Variants in HHAT observed in about 807,000 individuals in gnomAD.
The protein encoded by HHAT is protein-cysteine N-palmitoyltransferase HHAT.
A neutral mutation model predicts 70.8 loss-of-function variants in HHAT; 47 were observed. The ratio of observed to expected loss-of-function variants is 0.66; its 90% confidence interval spans 0.53 to 0.85. The LOEUF is 0.85. Among genes scored for constraint, HHAT ranks in the 40% least tolerant of loss-of-function variants. The pLI is 0.00. For missense variants in HHAT, 609 were observed against 604.8 expected, an observed-to-expected ratio of 1.01 and a Z score of -0.07; for synonymous variants, 228 against 247.6, an observed-to-expected ratio of 0.92 and a Z score of 0.74.
intron 7 of HHAT, among the ~76,000 whole-genome samples, chr1:210,454,638 G>A (rs1192238850): frequency 6.6e-6 from 1 of 152,190 alleles, no homozygotes; most frequent in Non-Finnish European, 1.5e-5. Flanking sequence ...CTTCTGCTGT[G>A]TGGGATCTTC....
rs147546850 is a variant in HHAT, at chr1:210,435,342, A to C, written c.856+17017A>C. Among the ~76,000 whole-genome samples the C allele has an allele frequency of 2.6e-4, 39 of 149,274 alleles. No homozygotes were observed. In the East Asian group the frequency reaches 7.0e-3, roughly 27 times the overall value. Reference sequence around the variant, plus strand: ...ATGGCTGAATAATATTCCACTGTCTATATATTTCAATTTTTTAACTCCATT... The same window carrying C: ...ATGGCTGAATAATATTCCACTGTCTCTATATTTCAATTTTTTAACTCCATT... On this transcript the variant is annotated intron_variant, in intron 7 of 11. Transcript: ENST00000261458.
At chr1:210,399,165 G>A (rs965709453) in intron 4 of HHAT, among the ~76,000 whole-genome samples, 3 of 152,198 alleles carry the variant, frequency 2.0e-5, no homozygotes, top group South Asian at 4.1e-4. Context: ...ATGCATGCCC[G>A]TGAGACATCA....
chr1:210,628,339 A>T (rs78358008), intron 11 of HHAT, among the ~76,000 whole-genome samples: 4 of 151,410 alleles, frequency 2.6e-5, no homozygotes, highest in Non-Finnish European at 5.9e-5. Flanking sequence ...AAGAAAAAAA[A>T]GGAAAACCAA....
intron 9 of HHAT, among the ~76,000 whole-genome samples, chr1:210,561,940 T>C (rs1291488061): frequency 6.6e-6 from 1 of 152,172 alleles, no homozygotes; most frequent in African/African-American, 2.4e-5. Context: ...TGATAGTCAC[T>C]TACTAACTCC....
chr1:210,449,993 G>A (rs1003200989), intron 7 of HHAT, among the ~76,000 whole-genome samples: 1 of 152,060 alleles, frequency 6.6e-6, no homozygotes, highest in Non-Finnish European at 1.5e-5. Flanking sequence ...ACGTATTTGG[G>A]ATTCAACAGT....
chr1:210,364,640 A>G (rs1037946630), intron 3 of HHAT, among the ~76,000 whole-genome samples: 1 of 152,234 alleles, frequency 6.6e-6, no homozygotes, highest in Admixed American at 6.5e-5. Flanking sequence ...CAGCCCAGCC[A>G]TGCGTTGCTA....
intron 7 of HHAT, among the ~76,000 whole-genome samples, chr1:210,452,093 T>A (rs2093767500): frequency 6.6e-6 from 1 of 152,252 alleles, no homozygotes; most frequent in African/African-American, 2.4e-5. Flanking sequence ...CCATGGGGCA[T>A]CTTGTTATAG....
intron 6 of HHAT, among the ~76,000 whole-genome samples, chr1:210,415,575 T>C (rs964304131): frequency 1.3e-5 from 2 of 152,208 alleles, no homozygotes; most frequent in Non-Finnish European, 2.9e-5. Context: ...TTCTTAACAG[T>C]GCAGATTGGT....
intron 4 of HHAT, among the ~76,000 whole-genome samples, chr1:210,387,787 A>C (rs1169226684): frequency 2.0e-5 from 3 of 152,192 alleles, no homozygotes; most frequent in Admixed American, 2.0e-4. Context: ...ATTTTCAGGC[A>C]TTGAATATAA....
chr1:210,414,247 G>A (rs2148255904), intron 6 of HHAT, among the ~76,000 whole-genome samples: 1 of 152,290 alleles, frequency 6.6e-6, no homozygotes. Flanking sequence ...TCCTAATCAT[G>A]AAGGGTCTGC....
chr1:210,531,178 T>C (rs938454550), intron 9 of HHAT, among the ~76,000 whole-genome samples: 3 of 152,202 alleles, frequency 2.0e-5, no homozygotes, highest in African/African-American at 7.2e-5. Context: ...TATCTAAACA[T>C]AGAAGAGGTA....
intron 11 of HHAT, among the ~76,000 whole-genome samples, chr1:210,627,179 C>T (rs1396919284): frequency 2.0e-5 from 3 of 152,098 alleles, no homozygotes; most frequent in Non-Finnish European, 4.4e-5. Context: ...ACCTCAGAGT[C>T]CTGGAAGAGC....
intron 11 of HHAT, among the ~76,000 whole-genome samples, chr1:210,652,364 TGCC>T (rs1174363635): frequency 6.6e-6 from 1 of 152,188 alleles, no homozygotes; most frequent in Non-Finnish European, 1.5e-5. Flanking sequence ...GAGATTATGA[TGCC>T]AGTAGTAAGG....
intron 9 of HHAT, among the ~76,000 whole-genome samples, chr1:210,529,901 T>C (rs893702809): frequency 6.6e-6 from 1 of 152,192 alleles, no homozygotes; most frequent in African/African-American, 2.4e-5. Context: ...AATAAATTCC[T>C]TTTCTGCTTA....
rs761879800 is a variant in HHAT at position 210,349,030 on chromosome 1, T to C, written c.55T>C (p.Phe19Leu). The C allele has an allele frequency of 6.2e-7, 1 of 1,614,096 alleles. No individual in the cohort carries two copies. Among genetic ancestry groups the C allele is most frequent in the Admixed American group, 1.7e-5 (1 of 60,006 alleles). Residue 19 changes from phenylalanine (F) to leucine (L), a missense_variant, in exon 2 of 12, where the codon TTC (phenylalanine) becomes CTC (leucine). Physicochemically the swap from Phe to Leu is conservative, Grantham distance 22. Transcript: ENST00000261458. ...LYLLASLGFH[F>L]YSFYEVYKVS... is the part of the protein sequence containing the mutation. Reference sequence around the variant, plus strand: ...CCTACTTGCCTCACTAGGCTTCCACTTCTATTCCTTCTATGAAGTTTACAA... The same window carrying C: ...CCTACTTGCCTCACTAGGCTTCCACCTCTATTCCTTCTATGAAGTTTACAA...
chr1:210,650,844 T>G (rs1477426939), intron 11 of HHAT, among the ~76,000 whole-genome samples: 1 of 152,234 alleles, frequency 6.6e-6, no homozygotes, highest in African/African-American at 2.4e-5. Flanking sequence ...ATTTATGAAT[T>G]TATTTGCTTC....
intron 6 of HHAT, among the ~76,000 whole-genome samples, chr1:210,415,413 C>T (rs1443793880): frequency 6.6e-6 from 1 of 152,130 alleles, no homozygotes; most frequent in Non-Finnish European, 1.5e-5. Context: ...AGGGGTCTGC[C>T]TGGGGTCACT....
chr1:210,642,663 T>C (rs913695050), intron 11 of HHAT, among the ~76,000 whole-genome samples: 1 of 152,262 alleles, frequency 6.6e-6, no homozygotes, highest in African/African-American at 2.4e-5. Flanking sequence ...GAAATGTCTT[T>C]AGAAGTCTTT....
At chr1:210,463,654 T>A (rs2094029346) in intron 7 of HHAT, among the ~76,000 whole-genome samples, 1 of 152,208 alleles carries the variant, frequency 6.6e-6, no homozygotes, top group Middle Eastern at 3.2e-3. Context: ...AACATTTCAT[T>A]TCTCTTGGTT....
Sources: gnomAD v4.1 joint callset for allele counts (sites outside exome capture counted in the v4.1 genomes callset) on GRCh38, gnomAD v4.1.1 for gene constraint, MANE v1.5 for transcripts, NCBI Gene and HGNC (gene_info 2026-07-23, HGNC 2026-07-21) for gene names.